SLC35F5: variants seen among roughly 807,000 people sequenced by gnomAD.
SLC35F5 encodes the protein HCV NS5A-transactivated protein 3.
Under a neutral mutation model 68.6 loss-of-function variants are expected in SLC35F5, and 54 were observed. The observed-to-expected ratio is 0.79, with a 90% CI of 0.63 to 0.99. The LOEUF (loss-of-function observed/expected upper bound fraction) is 0.99. Ranked by LOEUF, SLC35F5 falls within the 50% of genes least tolerant of loss-of-function variation. The probability of loss-of-function intolerance (pLI) is 0.00; values close to 1 mark genes in which losing one functional copy is unlikely to be tolerated. For synonymous variants in SLC35F5, 211 were observed against 205.2 expected, an observed-to-expected ratio of 1.03 and a Z score of -0.24; for missense variants, 567 against 626.9, an observed-to-expected ratio of 0.90 and a Z score of 1.02.
At chr2:113,748,829 C>T (rs1466912525) in intron 4 of SLC35F5, among the ~76,000 whole-genome samples, 1 of 73,632 alleles carries the variant, frequency 1.4e-5, no homozygotes, top group Non-Finnish European at 3.5e-5. Context: ...TATTTTGAGA[C>T]GGAGTTTCAC....
intron 6 of SLC35F5, among the ~76,000 whole-genome samples, chr2:113,743,102 T>C (rs1424382465): frequency 6.6e-6 from 1 of 152,232 alleles, no homozygotes; most frequent in Admixed American, 6.5e-5. Context: ...AGGTTTAAAA[T>C]GAGACCAATA....
At chr2:113,746,871 G>A (rs138169886) in intron 4 of SLC35F5, among the ~76,000 whole-genome samples, 4 of 150,888 alleles carry the variant, frequency 2.7e-5, no homozygotes, top group Non-Finnish European at 5.9e-5. Flanking sequence ...AGGTTGCAGT[G>A]AGCCAAGATT....
chr2:113,755,037 T>A (rs1341268728), intron 3 of SLC35F5, 128 bp downstream of exon 3: 4 of 887,046 alleles, frequency 4.5e-6, no homozygotes, highest in East Asian at 2.7e-5. Context: ...CAACGTTTTT[T>A]AAAAATTCAA....
rs1282773643 is a variant in SLC35F5, at chr2:113,711,803, C to A, written c.*3415G>T. On this transcript the variant is annotated 3_prime_UTR_variant, in exon 16 of 16. Transcript: ENST00000245680. ...AAGGAGAGTAGGTAGAAACGAAGAT[C>A]ATAACTATACTTACTTAATATGAAA... Among the ~76,000 whole-genome samples, 1 of 139,842 alleles carries A rather than the reference C, an allele frequency of 7.2e-6. No homozygotes were observed. Among genetic ancestry groups the A allele is most frequent in the African/African-American group, 2.6e-5 (1 of 38,488 alleles). 91.7% of individuals were successfully genotyped at this position (139,842 alleles called of 152,430 possible).
At chr2:113,742,971 T>G (rs1676345370) in intron 6 of SLC35F5, 92 bp from the exon 7 acceptor site, 13 of 1,238,206 alleles carry the variant, frequency 1.0e-5, no homozygotes. Context: ...TATAAGTTCA[T>G]CTATGATCAG....
At position 113,713,215 on chromosome 2, in the gene SLC35F5, T is replaced by C. The variant is rs1175874485; in HGVS notation, c.*2003A>G. 1 of 152,240 alleles carries C rather than the reference T, an allele frequency of 6.6e-6. No individual in the cohort carries two copies. The highest frequency in any genetic ancestry group is 6.5e-5 in the Admixed American group (1 of 15,288). 9.4% of individuals were successfully genotyped at this position (152,240 alleles called of 1,614,324 possible). ...TGCTTCCTTCTGAAGAAGTTGTTCA[T>C]TGATTTTTGTTTTTTAAGAAACAGA... is the stretch of plus-strand genomic sequence containing the variant. On this transcript the variant is annotated 3_prime_UTR_variant, in exon 16 of 16. Transcript: ENST00000245680.
chr2:113,752,215 C>A (rs1229634541), intron 3 of SLC35F5, among the ~76,000 whole-genome samples: 6 of 96,720 alleles, frequency 6.2e-5, no homozygotes, highest in Non-Finnish European at 1.1e-4. Flanking sequence ...TCTGTCCCAT[C>A]TCAAAAAAAA....
chr2:113,752,677 G>A (rs1676792062), intron 3 of SLC35F5, among the ~76,000 whole-genome samples: 1 of 151,982 alleles, frequency 6.6e-6, no homozygotes, highest in African/African-American at 2.4e-5. Flanking sequence ...TAAAAAAAAG[G>A]AGGGAAGATA....
chr2:113,729,716 A>C (rs1687810287), intron 10 of SLC35F5, among the ~76,000 whole-genome samples: 1 of 152,192 alleles, frequency 6.6e-6, no homozygotes, highest in Non-Finnish European at 1.5e-5. Flanking sequence ...GAAGGAGTTT[A>C]ATGTGTTAAC....
intron 13 of SLC35F5, among the ~76,000 whole-genome samples, chr2:113,722,195 G>A (rs917742899): frequency 2.2e-4 from 33 of 151,964 alleles, no homozygotes; most frequent in Non-Finnish European, 4.0e-4. Context: ...GGCTGGTCTC[G>A]AACTCCTAAC....
chr2:113,720,263 T>C (rs1687377756), intron 13 of SLC35F5, among the ~76,000 whole-genome samples: 1 of 146,416 alleles, frequency 6.8e-6, no homozygotes, highest in Admixed American at 6.9e-5. Flanking sequence ...AAAATAATGA[T>C]GAAAATAGTA....
chr2:113,717,917 T>C, intron 14 of SLC35F5, 67 bp from the exon 15 acceptor site: 1 of 1,111,378 alleles, frequency 9.0e-7, no homozygotes, highest in Non-Finnish European at 1.3e-6. Context: ...AAACCTTATT[T>C]ATTCCATTGC....
At chr2:113,756,287 G>T in intron 1 of SLC35F5, 83 bp downstream of exon 1, 1 of 1,545,960 alleles carries the variant, frequency 6.5e-7, no homozygotes. Context: ...TGCTGCCACC[G>T]AGGGCAGGAG....
At chr2:113,742,964 A>C in intron 6 of SLC35F5, 85 bp from the exon 7 acceptor site, 1 of 1,275,718 alleles carries the variant, frequency 7.8e-7, no homozygotes, top group Non-Finnish European at 1.1e-6. Context: ...ATAAATGTAT[A>C]AGTTCATCTA....
intron 7 of SLC35F5, among the ~76,000 whole-genome samples, chr2:113,736,543 TAC>T (rs1429185405): frequency 6.6e-6 from 1 of 152,188 alleles, no homozygotes; most frequent in Admixed American, 6.5e-5. Context: ...TTAGAATATA[TAC>T]AGATGAATAC....
At chr2:113,734,969 C>T (rs1221927851) in intron 8 of SLC35F5, among the ~76,000 whole-genome samples, 1 of 152,156 alleles carries the variant, frequency 6.6e-6, no homozygotes, top group Admixed American at 6.6e-5. Context: ...AACATGCTGA[C>T]TTCATCATAA....
At chr2:113,753,162 G>GTTTGTTTTTTTTTTTTTT (rs1676815113) in intron 3 of SLC35F5, among the ~76,000 whole-genome samples, 1 of 50,550 alleles carries the variant, frequency 2.0e-5, no homozygotes, top group Non-Finnish European at 4.0e-5. Context: ...TCCAAAGTTT[G>GTTTGTTTTTTTTTTTTTT]TTTTTCTTTT....
intron 7 of SLC35F5, among the ~76,000 whole-genome samples, chr2:113,737,118 C>T (rs1688124514): frequency 6.6e-6 from 1 of 152,114 alleles, no homozygotes. Context: ...CTGGTTGACT[C>T]GAAGAGTTAT....
At chr2:113,722,536 A>G (rs1300913643) in intron 13 of SLC35F5, among the ~76,000 whole-genome samples, 1 of 152,216 alleles carries the variant, frequency 6.6e-6, no homozygotes, top group Non-Finnish European at 1.5e-5. Flanking sequence ...GCTTCACCCA[A>G]GAGCACTGAA....
Sources: allele counts gnomAD v4.1 joint callset (sites outside exome capture counted in the v4.1 genomes callset), GRCh38; gene constraint gnomAD v4.1.1; transcripts MANE v1.5; gene names NCBI Gene and HGNC (gene_info 2026-07-23, HGNC 2026-07-21).